TOP3A: variants seen among roughly 807,000 people sequenced by gnomAD.
The protein encoded by TOP3A is DNA topoisomerase 3-alpha.
Under a neutral mutation model 111.3 loss-of-function variants are expected in TOP3A, and 64 were observed. That is an observed-to-expected ratio of 0.57 (90% CI 0.47 to 0.71). The LOEUF (loss-of-function observed/expected upper bound fraction) is 0.71, where lower values mean the gene tolerates loss of function less well. Among genes scored for constraint, TOP3A ranks in the 30% least tolerant of loss-of-function variants. TOP3A has a pLI of 0.00. For missense variants in TOP3A, 1,104 were observed against 1,285.0 expected, an observed-to-expected ratio of 0.86 and a Z score of 2.15; for synonymous variants, 484 against 485.1, an observed-to-expected ratio of 1.00 and a Z score of 0.03.
At chr17:18,282,521 A>G (rs1979820494) in intron 16 of TOP3A, among the ~76,000 whole-genome samples, 177 bp downstream of exon 16, 1 of 152,110 alleles carries the variant, frequency 6.6e-6, no homozygotes, top group South Asian at 2.1e-4. Context: ...AGTGCTTTAC[A>G]CCTCAAAGGC....
At position 18,302,779 on chromosome 17, in the gene TOP3A, T is replaced by A. The variant is rs1981318371; in HGVS notation, c.500-56A>T. The A allele has an allele frequency of 1.9e-6, 3 of 1,572,118 alleles. No homozygotes were observed. In the African/African-American group the frequency reaches 4.1e-5, roughly 21 times the overall value. The stretch of plus-strand genomic sequence containing the variant: ...AGTCAAATCACACTGCCCTCCATCA[T>A]AAAGGACTCACTTTTCTTAAAGCCC... On this transcript the variant is annotated intron_variant, in intron 5 of 18. Coordinates refer to ENST00000321105, the MANE Select transcript of TOP3A (RefSeq NM_004618.5).
chr17:18,314,795 C>G lies in TOP3A; in HGVS notation c.-17G>C, dbSNP rs191123452. ...AAAGATCATCCTCAGACCTCGCGCC[C>G]GGAGCCGCTCCCCGGCTGCCGGCGC... On this transcript the variant is annotated 5_prime_UTR_variant, in exon 1 of 19. Coordinates refer to ENST00000321105, the MANE Select transcript of TOP3A (RefSeq NM_004618.5). 1 of 1,494,066 alleles carries G rather than the reference C, an allele frequency of 6.7e-7. No individual in the cohort carries two copies. The highest frequency in any genetic ancestry group is 2.6e-5 in the East Asian group (1 of 37,910). 92.6% of individuals were successfully genotyped at this position (1,494,066 alleles called of 1,614,324 possible).
At chr17:18,309,686 G>C (rs1597989511) in intron 1 of TOP3A, among the ~76,000 whole-genome samples, 1 of 149,540 alleles carries the variant, frequency 6.7e-6, no homozygotes, top group Admixed American at 6.7e-5. Context: ...ACAAAAACTT[G>C]TACATGAAAG....
At chr17:18,304,840 G>C (rs1052597524) in intron 5 of TOP3A, among the ~76,000 whole-genome samples, 11 of 151,924 alleles carry the variant, frequency 7.2e-5, no homozygotes, top group African/African-American at 2.7e-4. Flanking sequence ...AATGAGTCCT[G>C]GGCTAAATGG....
intron 11 of TOP3A, 88 bp downstream of exon 11, chr17:18,292,555 TCA>T: frequency 1.7e-6 from 2 of 1,156,094 alleles, no homozygotes; most frequent in Non-Finnish European, 2.4e-6. Flanking sequence ...GTTTTTACAA[TCA>T]CAGCCCACAG....
chr17:18,298,587 C>T (rs1323733314), intron 9 of TOP3A, among the ~76,000 whole-genome samples: 1 of 151,264 alleles, frequency 6.6e-6, no homozygotes, highest in Non-Finnish European at 1.5e-5. Flanking sequence ...GCCATGATGA[C>T]AATGGAGGTT....
At position 18,274,794 on chromosome 17, in the gene TOP3A, C is replaced by A. The variant is rs1156792516; in HGVS notation, c.*8G>T. ...TGAGAAAGTGGCGTTCTCTACCCTACCCTGAGCTCATCTGTTCTGAGGACA... is the reference window on the plus strand; with the variant it reads ...TGAGAAAGTGGCGTTCTCTACCCTAACCTGAGCTCATCTGTTCTGAGGACA... On this transcript the variant is annotated 3_prime_UTR_variant, in exon 19 of 19. Coordinates refer to ENST00000321105, the MANE Select transcript of TOP3A (RefSeq NM_004618.5). The A allele has an allele frequency of 6.2e-7, 1 of 1,613,234 alleles. No individual in the cohort carries two copies. The highest frequency in any genetic ancestry group is 8.5e-7 in the Non-Finnish European group (1 of 1,179,514).
At chr17:18,283,130 C>T (rs1217203203) in intron 15 of TOP3A, among the ~76,000 whole-genome samples, 1 of 152,160 alleles carries the variant, frequency 6.6e-6, no homozygotes, top group Non-Finnish European at 1.5e-5. Flanking sequence ...CCTGTAATCC[C>T]AGGCCGAGGC....
chr17:18,283,498 A>C (rs928630433), intron 15 of TOP3A, among the ~76,000 whole-genome samples: 2 of 152,204 alleles, frequency 1.3e-5, no homozygotes, highest in Non-Finnish European at 2.9e-5. Flanking sequence ...ACAGAAAATA[A>C]CAAACTGTTA....
chr17:18,292,794 C>T lies in TOP3A; in HGVS notation c.1132G>A (p.Val378Met), dbSNP rs1341407664. ...NIFPRDLNLT[V>M]LVEQQTPDPR... ...TCGGGGGTCTGCTGTTCCACCAACA[C>T]CGTCAGGTTTAAGTCTCTGGGAAAA... Residue 378 changes from valine (V) to methionine (M), a missense_variant, in exon 11 of 19, where the codon GTG becomes ATG. Coordinates refer to ENST00000321105, the MANE Select transcript of TOP3A (RefSeq NM_004618.5). 1 of 1,614,122 alleles carries T rather than the reference C, an allele frequency of 6.2e-7. No homozygotes were observed. The highest frequency in any genetic ancestry group is 1.7e-5 in the Admixed American group (1 of 60,008).
At chr17:18,301,785 G>T in intron 8 of TOP3A, 100 bp downstream of exon 8, 1 of 1,008,304 alleles carries the variant, frequency 9.9e-7, no homozygotes. Context: ...CAAACTTAAA[G>T]CTAAAGTCCA....
intron 15 of TOP3A, among the ~76,000 whole-genome samples, chr17:18,284,900 T>A (rs1979990506): frequency 6.6e-6 from 1 of 152,184 alleles, no homozygotes; most frequent in South Asian, 2.1e-4. Context: ...TGGAGAGTTG[T>A]AAAAGAACCC....
At position 18,314,867 on chromosome 17, in the gene TOP3A, G is replaced by C. The variant is rs893342354; in HGVS notation, c.-89C>G. On this transcript the variant is annotated 5_prime_UTR_variant, in exon 1 of 19. Transcript: ENST00000321105. ...AGGCTCAAATGGCGCCCACCGAAAG[G>C]GAACCAGAGCCTCGCTTCGGTCACG... 1 of 914,158 alleles carries C rather than the reference G, an allele frequency of 1.1e-6. No homozygotes were observed. The highest frequency in any genetic ancestry group is 1.5e-6 in the Non-Finnish European group (1 of 652,654). 56.6% of individuals were successfully genotyped at this position (914,158 alleles called of 1,614,324 possible). A position where few individuals can be genotyped will look rare whatever the true frequency, so the allele number is the denominator to read the frequency against.
In TOP3A at chr17:18,278,082, T is replaced by C. The variant is rs372337258; in HGVS notation, c.2420A>G (p.Glu807Gly). ...ACAGTTGCAGGTCACAGAATTGCTT[T>C]CACCAGCAGCCGTGGGTGGTGGGAG... ...QTLPPPTAAG[E>G]SNSVTCNCGQ... The change falls in exon 18 of 19, where the codon GAA becomes GGA. Residue 807 changes from glutamate (E) to glycine (G), a missense_variant. Physicochemically the swap from Glu to Gly is moderately conservative, Grantham distance 98. Coordinates refer to ENST00000321105, the MANE Select transcript of TOP3A (RefSeq NM_004618.5). 6 of 1,614,106 alleles carry C rather than the reference T, an allele frequency of 3.7e-6. No homozygotes were observed. The African/African-American group carries it at 8.0e-5, about 22-fold the overall frequency.
At position 18,277,845 on chromosome 17, in the gene TOP3A, T is replaced by C. The variant is rs564452009; in HGVS notation, c.2657A>G (p.Asn886Ser). ...GCCACTACCACTGCCATCACCAGGGTTGCCAAACCCACCTAGGTGGATCCC... is the reference window on the plus strand; with the variant it reads ...GCCACTACCACTGCCATCACCAGGGCTGCCAAACCCACCTAGGTGGATCCC... ...GPGIHLGGFG[N>S]PGDGSGSGTS... Residue 886 changes from asparagine to serine, a missense_variant, in exon 18 of 19, where the codon AAC becomes AGC. Asn to Ser is a conservative substitution (Grantham distance 46, BLOSUM62 1). Transcript: ENST00000321105. 2.7e-5 allele frequency: 44 copies of C among 1,614,072 alleles called. No individual in the cohort carries two copies. In the South Asian group the frequency reaches 4.5e-4, roughly 17 times the overall value.
chr17:18,282,843 TGAA>T lies in TOP3A; in HGVS notation c.1878-5_1878-3del. ...TACTGGGCCAAGGCCTCGTCCAATC[TGAA>T]GAAAAGGCAAAGACAGACACCCATC... is the stretch of plus-strand genomic sequence containing the variant. On this transcript the variant is annotated splice_polypyrimidine_tract_variant and splice_region_variant and intron_variant, in intron 15 of 18. Coordinates refer to ENST00000321105, the MANE Select transcript of TOP3A (RefSeq NM_004618.5). 6.2e-7 allele frequency: 1 copy of T among 1,614,002 alleles called. No individual in the cohort carries two copies.
rs1414634261 is a variant in TOP3A, at chr17:18,274,065, T to C, written c.*737A>G. 6.6e-6 allele frequency: 1 copy of C among 152,188 alleles called. No individual in the cohort carries two copies. The highest frequency in any genetic ancestry group is 1.5e-5 in the Non-Finnish European group (1 of 68,090). The allele number at this position is 152,188 out of a possible 1,614,324, so 9.4% of individuals were successfully genotyped here. Reference sequence around the variant, plus strand: ...AATTCTCCTGCCTCAGCCTCCTGAGTAGCCGGGTCTACAGGCGCACACCGC... The same window carrying C: ...AATTCTCCTGCCTCAGCCTCCTGAGCAGCCGGGTCTACAGGCGCACACCGC... On this transcript the variant is annotated 3_prime_UTR_variant, in exon 19 of 19. Transcript: ENST00000321105.
At chr17:18,307,491 G>C (rs950261454) in intron 3 of TOP3A, 4 of 152,694 alleles carry the variant, frequency 2.6e-5, no homozygotes, top group Non-Finnish European at 4.4e-5. Context: ...CCAGCTACTC[G>C]GGAGTCTGAG....
At position 18,273,511 on chromosome 17, in the gene TOP3A, G is replaced by A. The variant is rs1441360059; in HGVS notation, c.*1291C>T. On this transcript the variant is annotated 3_prime_UTR_variant, in exon 19 of 19. Transcript: ENST00000321105. ...CAAGGGACAGCCATGAAGGACAGAG[G>A]CTGACGAGACCTCCCAGGGTGAGCT... Among the ~76,000 whole-genome samples the A allele has an allele frequency of 6.6e-6, 1 of 152,200 alleles. No homozygotes were observed. The highest frequency in any genetic ancestry group is 2.4e-5 in the African/African-American group (1 of 41,454).
Sources: allele counts gnomAD v4.1 joint callset (sites outside exome capture counted in the v4.1 genomes callset), GRCh38; gene constraint gnomAD v4.1.1; transcripts MANE v1.5; gene names NCBI Gene and HGNC (gene_info 2026-07-23, HGNC 2026-07-21).